Variants in RIMS2 observed in about 807,000 individuals in gnomAD.
RIMS2 encodes the protein regulating synaptic membrane exocytosis 2.
A neutral mutation model predicts 174.4 loss-of-function variants in RIMS2; 59 were observed. The ratio of observed to expected loss-of-function variants is 0.34; its 90% confidence interval spans 0.27 to 0.42. The LOEUF (loss-of-function observed/expected upper bound fraction) is 0.42. Ranked by LOEUF, RIMS2 falls within the 10% of genes least tolerant of loss-of-function variation. The probability of loss-of-function intolerance (pLI) is 1.00; values close to 1 mark genes in which losing one functional copy is unlikely to be tolerated. For synonymous variants in RIMS2, 606 were observed against 572.5 expected (o/e 1.06, Z -0.84); for missense variants, 1,620 against 1,666.3 (o/e 0.97, Z 0.48).
intron 19 of RIMS2, among the ~76,000 whole-genome samples, chr8:104,152,984 T>C (rs1160521333): frequency 2.6e-5 from 4 of 152,144 alleles, no homozygotes; most frequent in African/African-American, 9.7e-5. Flanking sequence ...CTTACCTCCC[T>C]TCTGAAGAGT....
intron 1 of RIMS2, among the ~76,000 whole-genome samples, chr8:103,578,387 G>T (rs541486935): frequency 6.6e-6 from 1 of 152,126 alleles, no homozygotes; most frequent in South Asian, 2.1e-4. Flanking sequence ...AAAATTAGCT[G>T]AGAGGAAATG....
chr8:104,071,929 G>C (rs182904732), intron 19 of RIMS2, among the ~76,000 whole-genome samples: 2 of 152,262 alleles, frequency 1.3e-5, no homozygotes, highest in East Asian at 3.9e-4. Flanking sequence ...GAGAATAAAT[G>C]ATCTGACATC....
chr8:104,208,293 C>G (rs896644005), intron 19 of RIMS2, among the ~76,000 whole-genome samples: 1 of 152,010 alleles, frequency 6.6e-6, no homozygotes, highest in Non-Finnish European at 1.5e-5. Flanking sequence ...TTAGGCAGGG[C>G]ACAGTGGCTC....
Position 104,015,568 on chromosome 8 carries a change from A to G in RIMS2, c.3334+953A>G, listed in dbSNP as rs184372692. ...CCTTTCGTTGTGTAGACTTAAATAC[A>G]GTAAAATTATTTTGTTTTATGATAT... On this transcript the variant is annotated intron_variant, in intron 19 of 23. Coordinates refer to ENST00000504942, the Ensembl canonical transcript of RIMS2. 7.1e-4 allele frequency: 330 copies of G among 465,868 alleles called. 2 individuals carry two copies. The highest frequency in any genetic ancestry group is 6.2e-3 in the African/African-American group (310 of 49,622). 28.9% of individuals were successfully genotyped at this position (465,868 alleles called of 1,614,324 possible). A position where few individuals can be genotyped will look rare whatever the true frequency, so the allele number is the denominator to read the frequency against.
chr8:103,960,274 A>G (rs1299253164), intron 14 of RIMS2, among the ~76,000 whole-genome samples: 6 of 152,204 alleles, frequency 3.9e-5, no homozygotes, highest in South Asian at 2.1e-4. Flanking sequence ...GGTTGATTCA[A>G]TTTGATGCTA....
chr8:103,631,810 G>A (rs1046445086), intron 1 of RIMS2, among the ~76,000 whole-genome samples: 1 of 152,176 alleles, frequency 6.6e-6, no homozygotes, highest in Non-Finnish European at 1.5e-5. Flanking sequence ...TCGTTGAGCA[G>A]TGTTTTGTAA....
At chr8:103,674,408 G>A (rs2096782749) in intron 1 of RIMS2, among the ~76,000 whole-genome samples, 1 of 152,034 alleles carries the variant, frequency 6.6e-6, no homozygotes, top group Admixed American at 6.6e-5. Flanking sequence ...GTCTCAGATA[G>A]CTTTTGACCA....
rs534580522 is a variant in RIMS2 at position 103,989,483 on chromosome 8, G to T, written c.3044+62G>T. On this transcript the variant is annotated intron_variant, in intron 17 of 23. Transcript: ENST00000504942. The stretch of plus-strand genomic sequence containing the variant: ...ATATAATCACTGCTTTCAGGAAGGG[G>T]TTACCATAAAATATTTTCACATATT... The T allele has an allele frequency of 3.9e-5, 33 of 848,302 alleles. 1 individual carries two copies. The East Asian group carries it at 4.3e-4, about 11-fold the overall frequency. 52.5% of individuals were successfully genotyped at this position (848,302 alleles called of 1,614,324 possible). A position where few individuals can be genotyped will look rare whatever the true frequency, so the allele number is the denominator to read the frequency against.
chr8:103,631,364 C>A (rs531195958), intron 1 of RIMS2, among the ~76,000 whole-genome samples: 5 of 152,154 alleles, frequency 3.3e-5, no homozygotes, highest in African/African-American at 1.2e-4. Context: ...GCCAGTTAAC[C>A]CAGTATCATT....
intron 3 of RIMS2, among the ~76,000 whole-genome samples, chr8:103,854,645 A>G (rs1486767388): frequency 6.6e-6 from 1 of 151,562 alleles, no homozygotes; most frequent in Non-Finnish European, 1.5e-5. Context: ...GTTTTGAATT[A>G]TGTTTATGTG....
At chr8:104,099,604 G>A (rs990707761) in intron 19 of RIMS2, among the ~76,000 whole-genome samples, 1 of 152,060 alleles carries the variant, frequency 6.6e-6, no homozygotes, top group African/African-American at 2.4e-5. Context: ...TGGGTTGCTT[G>A]TATTTCCTAC....
chr8:103,603,200 A>G, intron 1 of RIMS2, among the ~76,000 whole-genome samples: 1 of 134,226 alleles, frequency 7.5e-6, no homozygotes, highest in Non-Finnish European at 1.5e-5. Flanking sequence ...TCCTGTGTCC[A>G]TGTGATCTCA....
intron 3 of RIMS2, among the ~76,000 whole-genome samples, chr8:103,794,212 A>G (rs944372038): frequency 2.6e-5 from 4 of 152,232 alleles, no homozygotes; most frequent in African/African-American, 9.7e-5. Flanking sequence ...TCAAAACAGC[A>G]TGATACTGGC....
At chr8:103,582,800 T>A (rs969957784) in intron 1 of RIMS2, among the ~76,000 whole-genome samples, 1 of 152,124 alleles carries the variant, frequency 6.6e-6, no homozygotes, top group African/African-American at 2.4e-5. Flanking sequence ...CTTCTAAGGT[T>A]TTTGACTCTA....
chr8:104,030,574 T>G (rs1037859273), intron 19 of RIMS2, among the ~76,000 whole-genome samples: 1 of 152,176 alleles, frequency 6.6e-6, no homozygotes, highest in Non-Finnish European at 1.5e-5. Flanking sequence ...ACTTTTTTCT[T>G]TGTTTGTTAT....
chr8:103,638,641 G>A (rs2096148730), intron 1 of RIMS2, among the ~76,000 whole-genome samples: 1 of 151,888 alleles, frequency 6.6e-6, no homozygotes, highest in African/African-American at 2.4e-5. Context: ...TTATGTTTTT[G>A]AACAATTTCT....
intron 19 of RIMS2, among the ~76,000 whole-genome samples, chr8:104,168,041 C>T (rs530922001): frequency 4.6e-5 from 7 of 152,178 alleles, no homozygotes; most frequent in South Asian, 2.1e-4. Context: ...ATTTTTATGC[C>T]AGTAACATGT....
Position 103,814,240 on chromosome 8 carries a change from C to T in RIMS2, c.698+47703C>T, listed in dbSNP as rs532226304. Among the ~76,000 whole-genome samples, 8 of 151,952 alleles carry T rather than the reference C, an allele frequency of 5.3e-5. No individual in the cohort carries two copies. In the South Asian group the frequency reaches 1.7e-3, roughly 32 times the overall value. On this transcript the variant is annotated intron_variant, in intron 3 of 23. Coordinates refer to ENST00000504942, the Ensembl canonical transcript of RIMS2. ...TAGAGGGGAACAACAGACACTGTGG[C>T]CCATTGGAGGGTGGAGGATAGGAGG...
At chr8:103,975,397 C>G in exon 16 of RIMS2, 2 of 1,612,576 alleles carry the variant, frequency 1.2e-6, no homozygotes, top group Middle Eastern at 3.3e-4. Flanking sequence ...ATTATCAGTG[C>G]CAGAACAAGT....
Sources: allele counts gnomAD v4.1 joint callset (sites outside exome capture counted in the v4.1 genomes callset), GRCh38; gene constraint gnomAD v4.1.1; transcripts MANE v1.5; gene names NCBI Gene and HGNC (gene_info 2026-07-23, HGNC 2026-07-21).